Variants in PI15 observed in about 807,000 individuals in gnomAD.
PI15 encodes the protein peptidase inhibitor 15, also known as 25 kDa trypsin inhibitor.
PI15 carries 18 observed loss-of-function variants against 31.0 expected under a neutral mutation model. The ratio of observed to expected loss-of-function variants is 0.58; its 90% confidence interval spans 0.40 to 0.86. The LOEUF is 0.86. PI15 is among the 40% of genes least tolerant of loss of function. The pLI is 0.00. For synonymous variants in PI15, 118 were observed against 119.1 expected (o/e 0.99, Z 0.06); for missense variants, 282 against 328.1 (o/e 0.86, Z 1.09).
chr8:74,845,091 T>C, intron 3 of PI15, 37 bp from the exon 4 acceptor site: 1 of 1,580,558 alleles, frequency 6.3e-7, no homozygotes, highest in Non-Finnish European at 8.7e-7. Flanking sequence ...ATATTACCAC[T>C]GCTGCACTCT....
rs576749022 is a variant in PI15 at position 74,837,572 on chromosome 8, T to C, written c.274-6409T>C. Reference sequence around the variant, plus strand: ...CTTTGACTGCCCTAAAGGAAAATAATTTTGGCATCACTTAATTTTTTAATG... The same window carrying C: ...CTTTGACTGCCCTAAAGGAAAATAACTTTGGCATCACTTAATTTTTTAATG... On this transcript the variant is annotated intron_variant, in intron 2 of 5. Transcript: ENST00000260113. Among the ~76,000 whole-genome samples the C allele has an allele frequency of 5.3e-5, 8 of 152,338 alleles. No homozygotes were observed. In the South Asian group the frequency reaches 1.7e-3, roughly 32 times the overall value.
Position 74,851,568 on chromosome 8 carries a change from C to T in PI15, c.*2315C>T, listed in dbSNP as rs1205804394. The stretch of plus-strand genomic sequence containing the variant: ...TTATTTGAGATTAAATTAAATTTTT[C>T]ATGAGCCCCTCTTTGGCAGGAACTC... On this transcript the variant is annotated 3_prime_UTR_variant, in exon 6 of 6. Transcript: ENST00000260113. 1.3e-5 allele frequency: 2 copies of T among 151,956 alleles called. No homozygotes were observed. The highest frequency in any genetic ancestry group is 2.9e-5 in the Non-Finnish European group (2 of 67,866). The allele number at this position is 151,956 out of a possible 1,614,324, so 9.4% of individuals were successfully genotyped here. A position where few individuals can be genotyped will look rare whatever the true frequency, so the allele number is the denominator to read the frequency against.
chr8:74,848,732 T>TATAGAGAG (rs1191072583), intron 5 of PI15, among the ~76,000 whole-genome samples: 4 of 136,354 alleles, frequency 2.9e-5, no homozygotes, highest in African/African-American at 1.1e-4. Flanking sequence ...TATATATATA[T>TATAGAGAG]AGAGAGAGAG....
In PI15 at chr8:74,824,668, G is replaced by T. The variant is rs77923189; in HGVS notation, c.-48G>T. The T allele has an allele frequency of 7.2e-3, 1,105 of 153,640 alleles. 11 individuals carry two copies. Among genetic ancestry groups the T allele is most frequent in the African/African-American group, 0.025 (1,020 of 41,570 alleles). 9.5% of individuals were successfully genotyped at this position (153,640 alleles called of 1,614,324 possible). On this transcript the variant is annotated 5_prime_UTR_variant, in exon 1 of 6. Transcript: ENST00000260113. ...AGAACAATATATTCATTTTGGCATT[G>T]TGCAGAGGTAAGCTATTTAGCTCAA...
chr8:74,840,059 T>C (rs1467278155), intron 2 of PI15, among the ~76,000 whole-genome samples: 2 of 152,154 alleles, frequency 1.3e-5, no homozygotes, highest in African/African-American at 2.4e-5. Context: ...CCCACTTTTT[T>C]TGTTGAAAAT....
chr8:74,843,278 T>TA (rs1473160833), intron 2 of PI15, among the ~76,000 whole-genome samples: 10 of 152,218 alleles, frequency 6.6e-5, no homozygotes, highest in African/African-American at 2.4e-4. Context: ...TTTAACCTTT[T>TA]CTTTACTAAA....
intron 2 of PI15, among the ~76,000 whole-genome samples, 183 bp downstream of exon 2, chr8:74,825,705 AG>A (rs1403326531): frequency 6.6e-6 from 1 of 151,988 alleles, no homozygotes; most frequent in Non-Finnish European, 1.5e-5. Context: ...AGAATCAGAG[AG>A]ACAGAGAGGT....
chr8:74,849,300 C>A lies in PI15; in HGVS notation c.*47C>A. The stretch of plus-strand genomic sequence containing the variant: ...ATATAATGATTTCTGGGAACATGGG[C>A]ATGTATATATATATATGGAGAGAGA... On this transcript the variant is annotated 3_prime_UTR_variant, in exon 6 of 6. Transcript: ENST00000260113. 1.4e-6 allele frequency: 2 copies of A among 1,469,358 alleles called. No homozygotes were observed. The highest frequency in any genetic ancestry group is 9.4e-7 in the Non-Finnish European group (1 of 1,059,158). 91.0% of individuals were successfully genotyped at this position (1,469,358 alleles called of 1,614,324 possible). A position where few individuals can be genotyped will look rare whatever the true frequency, so the allele number is the denominator to read the frequency against.
At chr8:74,846,484 CATAA>C (rs1263786866) in intron 5 of PI15, among the ~76,000 whole-genome samples, 1 of 152,142 alleles carries the variant, frequency 6.6e-6, no homozygotes, top group Admixed American at 6.5e-5. Context: ...TTCTCCCTGA[CATAA>C]ATAGACCAAT....
At chr8:74,836,996 T>C (rs1389232705) in intron 2 of PI15, among the ~76,000 whole-genome samples, 1 of 152,176 alleles carries the variant, frequency 6.6e-6, no homozygotes, top group Non-Finnish European at 1.5e-5. Context: ...CAAATATCTG[T>C]GTGCTTTTAA....
chr8:74,844,465 GTGTGTA>G (rs991687954), intron 3 of PI15, among the ~76,000 whole-genome samples: 2 of 146,582 alleles, frequency 1.4e-5, no homozygotes, highest in Non-Finnish European at 3.0e-5. Context: ...GTGTGTGTGT[GTGTGTA>G]TGCATATGAG....
At chr8:74,827,383 T>A (rs942867031) in intron 2 of PI15, among the ~76,000 whole-genome samples, 2 of 152,172 alleles carry the variant, frequency 1.3e-5, no homozygotes, top group African/African-American at 4.8e-5. Flanking sequence ...CCACATTTTT[T>A]CTAGCTCTAT....
chr8:74,844,469 G>C (rs908969108), intron 3 of PI15, among the ~76,000 whole-genome samples: 2 of 140,350 alleles, frequency 1.4e-5, no homozygotes, highest in African/African-American at 5.4e-5. Flanking sequence ...GTGTGTGTGT[G>C]TATGCATATG....
intron 2 of PI15, among the ~76,000 whole-genome samples, chr8:74,830,031 G>C (rs937971795): frequency 6.6e-6 from 1 of 152,140 alleles, no homozygotes; most frequent in Admixed American, 6.6e-5. Context: ...TTAGAAAGAT[G>C]ATCCTGGCAG....
chr8:74,844,239 CT>C (rs1332533755), intron 3 of PI15, 140 bp downstream of exon 3: 1 of 663,288 alleles, frequency 1.5e-6, no homozygotes, highest in Non-Finnish European at 2.7e-6. Context: ...AACGCTTGGC[CT>C]ATGAATATTT....
intron 2 of PI15, among the ~76,000 whole-genome samples, chr8:74,834,307 AT>A: frequency 6.6e-6 from 1 of 152,178 alleles, no homozygotes; most frequent in Admixed American, 6.5e-5. Flanking sequence ...GAATTTCTTC[AT>A]GTGGAATCAA....
intron 2 of PI15, among the ~76,000 whole-genome samples, chr8:74,829,092 T>C (rs1810741863): frequency 6.6e-6 from 1 of 152,106 alleles, no homozygotes; most frequent in Non-Finnish European, 1.5e-5. Flanking sequence ...CATTTTTGTA[T>C]CTCTGTTTTC....
At chr8:74,829,544 A>G (rs2128763603) in intron 2 of PI15, among the ~76,000 whole-genome samples, 1 of 152,288 alleles carries the variant, frequency 6.6e-6, no homozygotes, top group Non-Finnish European at 1.5e-5. Context: ...TGTTCTCTGA[A>G]TTTAAGTCAA....
rs1259981829 is a variant in PI15 at position 74,836,707 on chromosome 8, T to C, written c.274-7274T>C. ...GGGTCATGAAACCAAGGGATGAAAG[T>C]GTGCTCAGAAAGAGTAAGTGGTCAG... On this transcript the variant is annotated intron_variant, in intron 2 of 5. Transcript: ENST00000260113. Among the ~76,000 whole-genome samples, 3 of 151,924 alleles carry C rather than the reference T, an allele frequency of 2.0e-5. No homozygotes were observed. The East Asian group carries it at 5.8e-4, about 30-fold the overall frequency.
Sources: allele counts gnomAD v4.1 joint callset (sites outside exome capture counted in the v4.1 genomes callset), GRCh38; gene constraint gnomAD v4.1.1; transcripts MANE v1.5; gene names NCBI Gene and HGNC (gene_info 2026-07-23, HGNC 2026-07-21).